Variants in LOC400499 observed in about 807,000 individuals in gnomAD.
At chr16:11,404,116 T>G in the LOC400499 span, among the ~76,000 whole-genome samples, 2 of 152,240 alleles carry the variant, frequency 1.3e-5, no homozygotes, top group Admixed American at 1.3e-4. Context: ...AGTTCAGAAG[T>G]CACCTCCTCC....
the LOC400499 span, among the ~76,000 whole-genome samples, chr16:11,436,094 C>G: frequency 1.3e-5 from 2 of 152,182 alleles, no homozygotes; most frequent in African/African-American, 2.4e-5. Flanking sequence ...GGGGTACAGT[C>G]CCATCTTGTC....
the LOC400499 span, among the ~76,000 whole-genome samples, chr16:11,453,376 A>T: frequency 6.6e-6 from 1 of 152,160 alleles, no homozygotes; most frequent in African/African-American, 2.4e-5. Flanking sequence ...GCATAAGCAC[A>T]TATCCAAGGC....
chr16:11,514,451 C>T, the LOC400499 span: 4 of 399,116 alleles, frequency 1.0e-5, no homozygotes, highest in South Asian at 3.8e-4. Context: ...AGGAAGTGGC[C>T]CCGCGGAGTC....
chr16:11,490,246 A>G, the LOC400499 span, among the ~76,000 whole-genome samples: 12 of 151,986 alleles, frequency 7.9e-5, no homozygotes, highest in African/African-American at 1.2e-4. Context: ...GAATACAAAA[A>G]TTAGCCGGGC....
chr16:11,447,611 T>C, the LOC400499 span, among the ~76,000 whole-genome samples: 1 of 152,146 alleles, frequency 6.6e-6, no homozygotes, highest in Non-Finnish European at 1.5e-5. Context: ...CTGCTCGTCC[T>C]AACCTCGTGC....
chr16:11,518,682 C>A, the LOC400499 span, among the ~76,000 whole-genome samples: 1 of 152,158 alleles, frequency 6.6e-6, no homozygotes, highest in Non-Finnish European at 1.5e-5. Flanking sequence ...AGCCCCCCAG[C>A]GGTCTTCATC....
the LOC400499 span, among the ~76,000 whole-genome samples, chr16:11,404,266 T>G: frequency 6.6e-6 from 1 of 152,200 alleles, no homozygotes; most frequent in Non-Finnish European, 1.5e-5. Context: ...GCTCAATGCC[T>G]GTCTCCCTGA....
At chr16:11,506,445 T>G in the LOC400499 span, among the ~76,000 whole-genome samples, 1 of 152,212 alleles carries the variant, frequency 6.6e-6, no homozygotes, top group Non-Finnish European at 1.5e-5. Flanking sequence ...CTATGCCATT[T>G]CGTGAGTGTA....
chr16:11,454,467 A>G, the LOC400499 span, among the ~76,000 whole-genome samples: 1 of 152,242 alleles, frequency 6.6e-6, no homozygotes, highest in Non-Finnish European at 1.5e-5. Flanking sequence ...CTATTAGAAA[A>G]GAAAAATCTG....
the LOC400499 span, among the ~76,000 whole-genome samples, chr16:11,482,793 G>A: frequency 6.6e-6 from 1 of 151,794 alleles, no homozygotes. Flanking sequence ...TCAAGTGGCT[G>A]AGGCTGGAAG....
chr16:11,420,158 G>A, the LOC400499 span, among the ~76,000 whole-genome samples: 28 of 149,982 alleles, frequency 1.9e-4, no homozygotes, highest in African/African-American at 5.5e-4. Flanking sequence ...TGTTTATTGC[G>A]GCACTATTCA....
chr16:11,411,065 A>G, the LOC400499 span, among the ~76,000 whole-genome samples: 1,634 of 152,118 alleles, frequency 0.011, 15 homozygotes, highest in South Asian at 0.018. Context: ...CCAGGAATGT[A>G]AACCTGGGTA....
chr16:11,477,306 C>A, the LOC400499 span, among the ~76,000 whole-genome samples: 24 of 152,352 alleles, frequency 1.6e-4, no homozygotes, highest in African/African-American at 5.8e-4. Context: ...ACTCAGGGCC[C>A]AAGGACAGCT....
the LOC400499 span, among the ~76,000 whole-genome samples, chr16:11,413,759 T>C: frequency 6.6e-6 from 1 of 152,174 alleles, no homozygotes; most frequent in South Asian, 2.1e-4. Context: ...AGCAGGTGCT[T>C]AAGGATCTAC....
At chr16:11,387,831 C>G in the LOC400499 span, among the ~76,000 whole-genome samples, 1 of 152,064 alleles carries the variant, frequency 6.6e-6, no homozygotes, top group Admixed American at 6.6e-5. Context: ...ACCACATTGG[C>G]CAGGCTAGTC....
chr16:11,484,867 C>T, the LOC400499 span: 1 of 399,056 alleles, frequency 2.5e-6, no homozygotes, highest in East Asian at 3.6e-5. Flanking sequence ...TGGGTGTGGC[C>T]ACCTCCCTTA....
the LOC400499 span, chr16:11,461,245 A>G: frequency 6.8e-6 from 8 of 1,181,770 alleles, no homozygotes; most frequent in East Asian, 2.1e-4. Flanking sequence ...TTGAAGAGCC[A>G]ACATGTGCAC....
the LOC400499 span, among the ~76,000 whole-genome samples, chr16:11,490,665 C>T: frequency 8.7e-4 from 133 of 152,330 alleles, no homozygotes; most frequent in African/African-American, 3.0e-3. Flanking sequence ...CACACCACTG[C>T]ACTCCAGGCT....
the LOC400499 span, chr16:11,387,121 G>A: frequency 1.6e-6 from 2 of 1,232,296 alleles, no homozygotes; most frequent in Non-Finnish European, 2.0e-6. Context: ...ATTCCCAGGG[G>A]CCCGCCAGCA....
Sources: allele counts gnomAD v4.1 joint callset (sites outside exome capture counted in the v4.1 genomes callset), GRCh38; gene constraint gnomAD v4.1.1; transcripts MANE v1.5.